The following DNAH5 variants were observed in gnomAD, a reference collection of about 807,000 sequenced individuals.
DNAH5 encodes dynein axonemal heavy chain 5.
In DNAH5, 372 loss-of-function variants were observed where a neutral mutation model predicts 518.2. The observed-to-expected ratio is 0.72, with a 90% CI of 0.66 to 0.78. The LOEUF (loss-of-function observed/expected upper bound fraction) is 0.78. Among genes scored for constraint, DNAH5 ranks in the 30% least tolerant of loss-of-function variants. DNAH5 has a pLI of 0.00. For missense variants in DNAH5, 5,523 were observed against 5,687.0 expected, an observed-to-expected ratio of 0.97 and a Z score of 0.93; for synonymous variants, 2,039 against 2,025.9, an observed-to-expected ratio of 1.01 and a Z score of -0.17.
At position 13,870,999 on chromosome 5, in the gene DNAH5, T is replaced by A. The variant is rs1222017986; in HGVS notation, c.3602A>T (p.Asp1201Val). 3 of 1,612,774 alleles carry A rather than the reference T, an allele frequency of 1.9e-6. No individual in the cohort carries two copies. Among genetic ancestry groups the A allele is most frequent in the Non-Finnish European group, 2.5e-6 (3 of 1,179,464 alleles). ...CTCAGCAGTCAGGGCGAACTTCAAG[T>A]CAGCTGTAAAAACCCAAATGTCTAC... ...CVGSIALYTA[D>V]LKFALTAETK... is the part of the protein sequence containing the mutation. Residue 1201 changes from aspartate (D) to valine (V), a missense_variant, in exon 24 of 79, where the codon GAC (aspartate) becomes GTC (valine). By Grantham distance (152) the Asp-to-Val change is radical (BLOSUM62 -3). Coordinates refer to ENST00000265104, the MANE Select transcript of DNAH5 (RefSeq NM_001369.3).
At chr5:14,011,522 C>A (rs1785119068) in intron 1 of DNAH5, among the ~76,000 whole-genome samples, 1 of 152,182 alleles carries the variant, frequency 6.6e-6, no homozygotes, top group South Asian at 2.1e-4. Context: ...GGACCACAAG[C>A]CGAGCCCCTC....
At chr5:13,929,129 T>C (rs1411003215) in intron 2 of DNAH5, among the ~76,000 whole-genome samples, 1 of 152,202 alleles carries the variant, frequency 6.6e-6, no homozygotes, top group Non-Finnish European at 1.5e-5. Flanking sequence ...GGTATACATA[T>C]ACAAGGGAAT....
chr5:13,840,516 G>C (rs1245837266), intron 34 of DNAH5, among the ~76,000 whole-genome samples: 1 of 152,152 alleles, frequency 6.6e-6, no homozygotes, highest in Non-Finnish European at 1.5e-5. Flanking sequence ...AAAGGCTTAA[G>C]GGAAGTCCTA....
chr5:13,741,622 T>C (rs923894462), intron 65 of DNAH5, among the ~76,000 whole-genome samples: 16 of 152,214 alleles, frequency 1.1e-4, no homozygotes, highest in African/African-American at 3.6e-4. Flanking sequence ...ACGGTTGTAC[T>C]AGGAAATAAA....
chr5:13,962,322 G>A (rs1297090264), intron 1 of DNAH5, among the ~76,000 whole-genome samples: 2 of 152,152 alleles, frequency 1.3e-5, no homozygotes, highest in East Asian at 3.8e-4. Flanking sequence ...AAAGCAATAT[G>A]ACTCTAAGGA....
At chr5:13,853,667 G>A (rs957715805) in intron 30 of DNAH5, among the ~76,000 whole-genome samples, 4 of 151,936 alleles carry the variant, frequency 2.6e-5, no homozygotes, top group African/African-American at 7.3e-5. Context: ...CCAATTTAGA[G>A]AAGAACATAA....
chr5:13,966,070 G>A (rs749306632), intron 1 of DNAH5, among the ~76,000 whole-genome samples: 32 of 150,332 alleles, frequency 2.1e-4, no homozygotes, highest in Admixed American at 3.3e-4. Flanking sequence ...GTTTATAAGT[G>A]AGAACATACG....
At chr5:13,783,575 C>A (rs1009217837) in intron 52 of DNAH5, among the ~76,000 whole-genome samples, 2 of 152,084 alleles carry the variant, frequency 1.3e-5, no homozygotes, top group African/African-American at 4.8e-5. Context: ...GAGCATGACT[C>A]GGGAGGCTGG....
At chr5:13,954,884 A>C (rs1378016914) in intron 1 of DNAH5, among the ~76,000 whole-genome samples, 1 of 152,166 alleles carries the variant, frequency 6.6e-6, no homozygotes, top group Non-Finnish European at 1.5e-5. Context: ...CTGACCCTGA[A>C]GCCTAAAGGA....
rs73048079 is a variant in DNAH5 at position 13,707,103 on chromosome 5, G to A, written c.13338+1020C>T. 2.9e-3 allele frequency among the ~76,000 whole-genome samples: 448 copies of A among 152,316 alleles called. 4 individuals carry two copies. Among genetic ancestry groups the A allele is most frequent in the African/African-American group, 0.01 (431 of 41,570 alleles). ...GCTGGATGTTGAGAGGAGTAGAAGC[G>A]CAGAAGGGCACACTGACAGACACCA... On this transcript the variant is annotated intron_variant, in intron 76 of 78. Transcript: ENST00000265104. This position sits in a 1 kb window ranked among gnomAD's most constrained non-coding sequence, Gnocchi z 4.0.
intron 78 of DNAH5, among the ~76,000 whole-genome samples, chr5:13,696,062 C>T (rs1356961197): frequency 6.6e-6 from 1 of 152,138 alleles, no homozygotes; most frequent in Non-Finnish European, 1.5e-5. Flanking sequence ...CCACCCCAGG[C>T]CCAAATCTGC....
chr5:13,960,746 C>G (rs945707976), intron 1 of DNAH5, among the ~76,000 whole-genome samples: 1 of 152,226 alleles, frequency 6.6e-6, no homozygotes, highest in Non-Finnish European at 1.5e-5. Context: ...CTCAGTATCC[C>G]TCCTCCCACA....
In DNAH5 at chr5:13,788,865, C is replaced by T. The variant is rs753130398; in HGVS notation, c.8498G>A (p.Arg2833His). The T allele has an allele frequency of 1.2e-5, 20 of 1,613,962 alleles. No individual in the cohort carries two copies. Among genetic ancestry groups the T allele is most frequent in the Admixed American group, 1.7e-5 (1 of 59,974 alleles). ...GGTCACATCACTGGACACTGTGAAA[C>T]GGTCAGCTATAACACGTTTACACTC... ...KHECKRVIAD[R>H]FTVSSDVTWF... Residue 2833 changes from arginine (R) to histidine (H), a missense_variant, in exon 51 of 79, where the codon CGT becomes CAT. Coordinates refer to ENST00000265104, the MANE Select transcript of DNAH5 (RefSeq NM_001369.3).
At chr5:13,896,215 A>G (rs1269989639) in intron 15 of DNAH5, among the ~76,000 whole-genome samples, 1 of 152,038 alleles carries the variant, frequency 6.6e-6, no homozygotes, top group Admixed American at 6.5e-5. Context: ...ATAGCCTCCC[A>G]TTTAATTCAG....
rs1237905198 is a variant in DNAH5 at position 13,717,520 on chromosome 5, C to T, written c.12500G>A (p.Gly4167Asp). 1 of 1,613,766 alleles carries T rather than the reference C, an allele frequency of 6.2e-7. No individual in the cohort carries two copies. Among genetic ancestry groups the T allele is most frequent in the Non-Finnish European group, 8.5e-7 (1 of 1,179,724 alleles). Residue 4167 changes from glycine to aspartate, a missense_variant and splice_region_variant, in exon 73 of 79, where the codon GGT (glycine) becomes GAT (aspartate). Coordinates refer to ENST00000265104, the MANE Select transcript of DNAH5 (RefSeq NM_001369.3). ...CACGTCCAGCAGGTCTTGGCTGACA[C>T]CTGTTGTGGTCAGTTGGGTGAAAAA... ...LRAGLKRTYS[G>D]VSQDLLDVSS...
intron 15 of DNAH5, among the ~76,000 whole-genome samples, chr5:13,896,225 G>A (rs951490577): frequency 6.6e-6 from 1 of 151,908 alleles, no homozygotes. Flanking sequence ...ATTTAATTCA[G>A]GGCTACAAAC....
chr5:13,925,747 AT>A (rs1354825314), intron 3 of DNAH5, among the ~76,000 whole-genome samples: 3 of 152,146 alleles, frequency 2.0e-5, no homozygotes, highest in Non-Finnish European at 2.9e-5. Context: ...GGGAGTTACA[AT>A]TCAAGATGAG....
intron 74 of DNAH5, among the ~76,000 whole-genome samples, chr5:13,715,020 C>T (rs1744104436): frequency 6.6e-6 from 1 of 152,058 alleles, no homozygotes; most frequent in Non-Finnish European, 1.5e-5. Flanking sequence ...CAGGAAATGA[C>T]AGCTTTAGTA....
intron 21 of DNAH5, among the ~76,000 whole-genome samples, chr5:13,881,386 T>C (rs1771662161): frequency 2.0e-5 from 3 of 152,054 alleles, no homozygotes; most frequent in Non-Finnish European, 4.4e-5. Flanking sequence ...TGGTAGATCA[T>C]ATGTTAGACA....
Sources: gnomAD v4.1 joint callset for allele counts (sites outside exome capture counted in the v4.1 genomes callset) on GRCh38, gnomAD v4.1.1 for gene constraint, Gnocchi (gnomAD v3.1) non-coding constraint, MANE v1.5 for transcripts, NCBI Gene and HGNC (gene_info 2026-07-23, HGNC 2026-07-21) for gene names.